Variants in DIABLO observed in about 807,000 individuals in gnomAD.
DIABLO encodes the protein diablo IAP-binding mitochondrial protein.
DIABLO carries 32 observed loss-of-function variants against 31.7 expected under a neutral mutation model. The observed-to-expected ratio is 1.01, with a 90% CI of 0.76 to 1.35. DIABLO has a LOEUF of 1.35. DIABLO is among the 40% of genes most tolerant of loss of function. The probability of loss-of-function intolerance (pLI) is 0.00; values close to 1 mark genes in which losing one functional copy is unlikely to be tolerated. For synonymous variants in DIABLO, 132 were observed against 103.2 expected, an observed-to-expected ratio of 1.28 and a Z score of -1.69; for missense variants, 316 against 286.4, an observed-to-expected ratio of 1.10 and a Z score of -0.75.
intron 5 of DIABLO, chr12:122,209,608 T>C (rs1954031769): frequency 6.7e-6 from 4 of 600,418 alleles, no homozygotes; most frequent in African/African-American, 1.9e-5. Context: ...GAGGTTGCAG[T>C]GAGCTGAGAT....
chr12:122,224,843 C>A (rs1329760920), intron 1 of DIABLO, 199 bp from the exon 2 acceptor site: 49 of 1,496,314 alleles, frequency 3.3e-5, no homozygotes, highest in Non-Finnish European at 4.3e-5. Flanking sequence ...GTGGCTCACG[C>A]CTGTAATCCT....
At chr12:122,221,085 C>G (rs1416090786) in intron 2 of DIABLO, 3 of 152,160 alleles carry the variant, frequency 2.0e-5, no homozygotes, top group African/African-American at 7.2e-5. Flanking sequence ...AGTCTGTACC[C>G]TTCCCATTAT....
rs1365648148 is a variant in DIABLO at position 122,224,578 on chromosome 12, T to C, written c.117A>G (p.Ile39Met). ...NFKKRCFSEL[I>M]RPWHKTVTIG... ...TCGTCACAGTTTTGTGCCATGGTCT[T>C]ATCAATTCTGAGAAACACCGCTTCT... Residue 39 changes from isoleucine (I) to methionine (M), a missense_variant, in exon 2 of 6, where the codon ATA becomes ATG. Ile to Met is a conservative substitution (Grantham distance 10, BLOSUM62 1). Coordinates refer to ENST00000464942, the MANE Select transcript of DIABLO (RefSeq NM_001371333.1). 6.2e-7 allele frequency: 1 copy of C among 1,613,928 alleles called. No individual in the cohort carries two copies. Among genetic ancestry groups the C allele is most frequent in the African/African-American group, 1.3e-5 (1 of 74,938 alleles).
intron 1 of DIABLO, 99 bp downstream of exon 1, chr12:122,225,866 G>T: frequency 6.5e-7 from 1 of 1,539,264 alleles, no homozygotes; most frequent in South Asian, 1.2e-5. Context: ...GACGAGAGAT[G>T]AGCGCGTAAG....
chr12:122,225,480 C>T (rs1012377050), intron 1 of DIABLO: 15 of 1,024,690 alleles, frequency 1.5e-5, no homozygotes, highest in African/African-American at 1.7e-5. Flanking sequence ...AGCTCTGGAC[C>T]CCTGGCCTGG....
At chr12:122,211,995 A>ATT (rs34540420) in intron 5 of DIABLO, among the ~76,000 whole-genome samples, 60 of 139,778 alleles carry the variant, frequency 4.3e-4, no homozygotes, top group East Asian at 1.2e-3. Context: ...TATTCCTATA[A>ATT]TTTTTTTTTT....
At chr12:122,225,024 C>G in intron 1 of DIABLO, 1 of 387,030 alleles carries the variant, frequency 2.6e-6, no homozygotes, top group Admixed American at 3.8e-5. Flanking sequence ...ATCTGCCTGA[C>G]CAACATGGTG....
In DIABLO at chr12:122,218,309, T is replaced by C. The variant is rs1954259242; in HGVS notation, c.272A>G (p.Gln91Arg). ...AGCTTCAATCAACGCATATGTGGTCTGAGAGAGAAAGGTAGAGGTGCTATC... is the reference window on the plus strand; with the variant it reads ...AGCTTCAATCAACGCATATGTGGTCCGAGAGAGAAAGGTAGAGGTGCTATC... ...VTDSTSTFLS[Q>R]TTYALIEAIT... Residue 91 changes from glutamine (Q) to arginine (R), a missense_variant, in exon 3 of 6, where the codon CAG (glutamine) becomes CGG (arginine). Physicochemically the swap from Gln to Arg is conservative, Grantham distance 43. Transcript: ENST00000464942. 2.5e-6 allele frequency: 4 copies of C among 1,614,052 alleles called. No individual in the cohort carries two copies. In the African/African-American group the frequency reaches 5.3e-5, roughly 22 times the overall value.
intron 2 of DIABLO, chr12:122,220,553 G>A (rs1954310824): frequency 6.6e-6 from 1 of 152,220 alleles, no homozygotes; most frequent in South Asian, 2.1e-4. Context: ...TACTCGGGAG[G>A]CTGAGGCAGG....
chr12:122,220,796 T>C (rs763547731), intron 2 of DIABLO: 2 of 152,214 alleles, frequency 1.3e-5, no homozygotes, highest in Non-Finnish European at 2.9e-5. Flanking sequence ...TATGAACAAA[T>C]CAAGAACTTT....
intron 1 of DIABLO, 26 bp downstream of exon 1, chr12:122,225,938 GT>G: frequency 6.3e-7 from 1 of 1,577,822 alleles, no homozygotes; most frequent in East Asian, 2.3e-5. Context: ...CTCTGGTCCT[GT>G]CCCCTCTACG....
upstream of DIABLO, chr12:122,226,521 T>A (rs1194916080): frequency 4.3e-6 from 3 of 698,764 alleles, no homozygotes; most frequent in African/African-American, 1.8e-5. Context: ...GGCGAGCAGC[T>A]CCCGCAGCAG....
chr12:122,207,773 G>GT lies in DIABLO; in HGVS notation c.*607dup. Reference sequence around the variant, plus strand: ...AGAAAGGAAGGAACAAGAGGCCTGTGTTAAGTCCTGTTGATGTTAAGTCCT... The same window carrying GT: ...AGAAAGGAAGGAACAAGAGGCCTGTGTTTAAGTCCTGTTGATGTTAAGTCCT... On this transcript the variant is annotated 3_prime_UTR_variant, in exon 6 of 6. Transcript: ENST00000464942. The GT allele has an allele frequency of 2.1e-6, 1 of 472,288 alleles. No homozygotes were observed. Among genetic ancestry groups the GT allele is most frequent in the Non-Finnish European group, 4.2e-6 (1 of 239,352 alleles). The allele number at this position is 472,288 out of a possible 1,614,324, so 29.3% of individuals were successfully genotyped here. A position where few individuals can be genotyped will look rare whatever the true frequency, so the allele number is the denominator to read the frequency against.
intron 5 of DIABLO, among the ~76,000 whole-genome samples, chr12:122,211,179 T>C (rs1184950776): frequency 6.9e-6 from 1 of 144,154 alleles, no homozygotes; most frequent in Non-Finnish European, 1.5e-5. Flanking sequence ...GCAGGTGGAC[T>C]GCCTTAGCTC....
At chr12:122,219,569 A>G (rs1488271309) in intron 2 of DIABLO, among the ~76,000 whole-genome samples, 1 of 152,124 alleles carries the variant, frequency 6.6e-6, no homozygotes, top group Non-Finnish European at 1.5e-5. Flanking sequence ...TGAGTCTAAT[A>G]AAGTGGGCCA....
chr12:122,225,982 G>A lies in DIABLO; in HGVS notation c.33C>T (p.Ser11=), dbSNP rs1377267503. 1.2e-6 allele frequency: 2 copies of A among 1,601,252 alleles called. No individual in the cohort carries two copies. Among genetic ancestry groups the A allele is most frequent in the African/African-American group, 1.3e-5 (1 of 74,798 alleles). ...AGCGGTACCTGAAGAATGAAGTTAC[G>A]CTGCGCGACAGCCAACTCTTCAGAG... MAALKSWLSR[S]VTSFFRYRQC... is the part of the protein sequence containing the mutation. The change falls in exon 1 of 6, where the codon AGC becomes AGT. Residue 11 remains serine, a synonymous_variant. Coordinates refer to ENST00000464942, the MANE Select transcript of DIABLO (RefSeq NM_001371333.1).
At chr12:122,223,169 T>C (rs948803559) in intron 2 of DIABLO, among the ~76,000 whole-genome samples, 14 of 152,018 alleles carry the variant, frequency 9.2e-5, no homozygotes, top group African/African-American at 2.9e-4. Flanking sequence ...GCACGGTGGC[T>C]CAGGCCTGTA....
chr12:122,225,577 C>T (rs921849839), intron 1 of DIABLO: 26 of 1,188,798 alleles, frequency 2.2e-5, no homozygotes, highest in African/African-American at 3.2e-5. Flanking sequence ...CCCCCGGCCC[C>T]TTCTGCCCTC....
chr12:122,220,384 C>G (rs997947187), intron 2 of DIABLO: 1 of 152,266 alleles, frequency 6.6e-6, no homozygotes, highest in Non-Finnish European at 1.5e-5. Flanking sequence ...CTCAGCAAAG[C>G]ACTCTTACAC....
Sources: gnomAD v4.1 joint callset for allele counts (sites outside exome capture counted in the v4.1 genomes callset) on GRCh38, gnomAD v4.1.1 for gene constraint, MANE v1.5 for transcripts, NCBI Gene and HGNC (gene_info 2026-07-23, HGNC 2026-07-21) for gene names.